Variants in SNTG1 observed in about 807,000 individuals in gnomAD.
The protein encoded by SNTG1 is gamma-1-syntrophin.
SNTG1 carries 39 observed loss-of-function variants against 74.7 expected under a neutral mutation model. The ratio of observed to expected loss-of-function variants is 0.52; its 90% CI spans 0.40 to 0.68. The LOEUF is 0.68. Among genes scored for constraint, SNTG1 ranks in the 30% least tolerant of loss-of-function variants. The pLI is 0.00. For missense variants in SNTG1, 685 were observed against 609.5 expected, an observed-to-expected ratio of 1.12 and a Z score of -1.30; for synonymous variants, 254 against 217.1, an observed-to-expected ratio of 1.17 and a Z score of -1.49.
intron 12 of SNTG1, among the ~76,000 whole-genome samples, chr8:50,583,741 A>G (rs1455067016): frequency 6.6e-6 from 1 of 150,752 alleles, no homozygotes; most frequent in East Asian, 1.9e-4. Flanking sequence ...GCTAGAGGTC[A>G]GGTAAGTTTC....
chr8:50,001,767 A>C (rs1401130476), intron 1 of SNTG1, among the ~76,000 whole-genome samples: 2 of 152,198 alleles, frequency 1.3e-5, no homozygotes, highest in African/African-American at 4.8e-5. Context: ...TCATACCCAG[A>C]GACCTCATAG....
chr8:50,193,048 T>G (rs1271884987), intron 2 of SNTG1, among the ~76,000 whole-genome samples: 1 of 152,144 alleles, frequency 6.6e-6, no homozygotes, highest in Non-Finnish European at 1.5e-5. Flanking sequence ...TTTGGGTGAC[T>G]ATGGCCTTAT....
intron 1 of SNTG1, among the ~76,000 whole-genome samples, chr8:49,969,136 C>T (rs1811406056): frequency 6.6e-6 from 1 of 152,132 alleles, no homozygotes; most frequent in East Asian, 1.9e-4. Context: ...ATGTGTGCTG[C>T]TTAACTCAAA....
chr8:50,788,457 G>T (rs981949965), intron 18 of SNTG1, among the ~76,000 whole-genome samples: 3 of 151,928 alleles, frequency 2.0e-5, no homozygotes, highest in African/African-American at 7.2e-5. Context: ...GACTTAGTTG[G>T]CTCTCAATTT....
intron 2 of SNTG1, among the ~76,000 whole-genome samples, chr8:50,190,787 A>G (rs1385412759): frequency 1.3e-5 from 2 of 152,100 alleles, no homozygotes; most frequent in African/African-American, 4.8e-5. Context: ...ATGCTTGGTC[A>G]TTTGGGGGTG....
Position 50,304,474 on chromosome 8 carries a change from T to A in SNTG1, c.-27-89738T>A, listed in dbSNP as rs376275623. Among the ~76,000 whole-genome samples the A allele has an allele frequency of 2.7e-4, 41 of 152,286 alleles. 1 individual carries two copies. Among genetic ancestry groups the A allele is most frequent in the Admixed American group, 1.4e-3 (21 of 15,286 alleles). On this transcript the variant is annotated intron_variant, in intron 2 of 18. Coordinates refer to ENST00000642720, the MANE Select transcript of SNTG1 (RefSeq NM_018967.5). ...ATTAACTATAATACTGCACATTGTA[T>A]CAACTGATTTTTTTCTGTAGTTAAA... is the stretch of plus-strand genomic sequence containing the variant.
chr8:50,485,586 G>A (rs958108534), intron 8 of SNTG1, among the ~76,000 whole-genome samples: 16 of 149,624 alleles, frequency 1.1e-4, no homozygotes, highest in African/African-American at 3.4e-4. Flanking sequence ...TGTCAGATGA[G>A]TAGGTTGCAA....
chr8:50,153,419 C>T (rs2082141538), intron 1 of SNTG1, among the ~76,000 whole-genome samples: 1 of 152,196 alleles, frequency 6.6e-6, no homozygotes, highest in African/African-American at 2.4e-5. Context: ...ATCATTCTCT[C>T]TCCAGTTTTG....
chr8:50,323,457 C>G (rs2090609936), intron 2 of SNTG1, among the ~76,000 whole-genome samples: 1 of 152,192 alleles, frequency 6.6e-6, no homozygotes, highest in Non-Finnish European at 1.5e-5. Context: ...ATAGTCTTCT[C>G]AGATTGGGCT....
chr8:50,511,561 T>C (rs1056173849), intron 9 of SNTG1, among the ~76,000 whole-genome samples: 1 of 152,188 alleles, frequency 6.6e-6, no homozygotes, highest in Non-Finnish European at 1.5e-5. Flanking sequence ...AGTCTCTTTG[T>C]AGGTCTCTAA....
At chr8:50,020,277 G>A (rs1166896920) in intron 1 of SNTG1, among the ~76,000 whole-genome samples, 1 of 152,066 alleles carries the variant, frequency 6.6e-6, no homozygotes, top group Non-Finnish European at 1.5e-5. Context: ...TCAGTACAGA[G>A]TGAATAATAA....
chr8:50,097,532 G>A (rs1014006697), intron 1 of SNTG1, among the ~76,000 whole-genome samples: 69 of 152,094 alleles, frequency 4.5e-4, no homozygotes, highest in Admixed American at 2.3e-3. Context: ...GGCGCCTGTA[G>A]TCCCAGCTAC....
chr8:49,925,553 G>C (rs188240527), intron 1 of SNTG1, among the ~76,000 whole-genome samples: 1 of 152,206 alleles, frequency 6.6e-6, no homozygotes, highest in Admixed American at 6.5e-5. Flanking sequence ...ATATACAACT[G>C]TTTTAGCACC....
At position 50,657,570 on chromosome 8, in the gene SNTG1, T is replaced by C. The variant is rs1027466706; in HGVS notation, c.966+545T>C. Among the ~76,000 whole-genome samples the C allele has an allele frequency of 3.9e-5, 6 of 152,240 alleles. No individual in the cohort carries two copies. The South Asian group carries it at 1.2e-3, about 32-fold the overall frequency. ...AATTTCAAAATGATAGCATCTTATC[T>C]AGCTACTATTAAGTCTATCTCACCC... On this transcript the variant is annotated intron_variant, in intron 14 of 18. Coordinates refer to ENST00000642720, the MANE Select transcript of SNTG1 (RefSeq NM_018967.5).
chr8:50,618,256 C>T (rs868297391), intron 13 of SNTG1, among the ~76,000 whole-genome samples: 1 of 152,120 alleles, frequency 6.6e-6, no homozygotes, highest in African/African-American at 2.4e-5. Flanking sequence ...TGTAACTGTT[C>T]CTTTGTTCTC....
intron 2 of SNTG1, among the ~76,000 whole-genome samples, chr8:50,200,889 T>A (rs2083961700): frequency 6.6e-6 from 1 of 152,176 alleles, no homozygotes; most frequent in African/African-American, 2.4e-5. Context: ...GTAAATAAAT[T>A]GTTGACTTTG....
At chr8:50,141,304 C>T (rs2081648328) in intron 1 of SNTG1, among the ~76,000 whole-genome samples, 2 of 152,300 alleles carry the variant, frequency 1.3e-5, no homozygotes, top group African/African-American at 4.8e-5. Flanking sequence ...CCACCAGCAA[C>T]CTGTAAGAGC....
chr8:50,734,783 ATC>A (rs2095522256), intron 17 of SNTG1, among the ~76,000 whole-genome samples: 1 of 111,050 alleles, frequency 9.0e-6, no homozygotes, highest in African/African-American at 4.4e-5. Context: ...ATATATAGAT[ATC>A]TATATATATG....
chr8:50,571,190 G>A lies in SNTG1; in HGVS notation c.810+18011G>A, dbSNP rs141459961. On this transcript the variant is annotated intron_variant, in intron 12 of 18. Coordinates refer to ENST00000642720, the MANE Select transcript of SNTG1 (RefSeq NM_018967.5). ...AGCGTTTCAGCAGCCGTGGAACTAT[G>A]ACCCTGCACAGGGGCCACCCCATAG... 1.5e-3 allele frequency among the ~76,000 whole-genome samples: 235 copies of A among 152,206 alleles called. 1 individual carries two copies. Among genetic ancestry groups the A allele is most frequent in the African/African-American group, 5.4e-3 (225 of 41,524 alleles).
Sources: gnomAD v4.1 joint callset for allele counts (sites outside exome capture counted in the v4.1 genomes callset) on GRCh38, gnomAD v4.1.1 for gene constraint, MANE v1.5 for transcripts, NCBI Gene and HGNC (gene_info 2026-07-23, HGNC 2026-07-21) for gene names.